The following DCDC1 variants were observed in gnomAD, a reference collection of about 807,000 sequenced individuals.
DCDC1 encodes the protein doublecortin domain containing 1, also known as doublecortin domain-containing protein 1.
A neutral mutation model predicts 178.3 loss-of-function variants in DCDC1; 200 were observed. The observed-to-expected ratio is 1.12, with a 90% CI of 1.00 to 1.26. DCDC1 has a LOEUF of 1.26. Among genes scored for constraint, DCDC1 ranks in the 50% most tolerant of loss-of-function variants. DCDC1 has a pLI of 0.00. For missense variants in DCDC1, 1,983 were observed against 1,749.2 expected (o/e 1.13, Z -2.38); for synonymous variants, 690 against 604.8 (o/e 1.14, Z -2.07).
intron 30 of DCDC1, among the ~76,000 whole-genome samples, chr11:30,905,485 A>G (rs952032442): frequency 7.2e-5 from 11 of 152,280 alleles, no homozygotes; most frequent in Admixed American, 7.2e-4. Flanking sequence ...TTAAAGTAAT[A>G]ATACACTAAC....
chr11:31,322,444 G>A (rs774239836), intron 3 of DCDC1, among the ~76,000 whole-genome samples: 4 of 152,112 alleles, frequency 2.6e-5, no homozygotes, highest in African/African-American at 4.8e-5. Flanking sequence ...CAGCTCCAGT[G>A]AGTAAATCTT....
intron 27 of DCDC1, among the ~76,000 whole-genome samples, chr11:30,911,924 T>C (rs1340751743): frequency 1.3e-5 from 2 of 152,154 alleles, no homozygotes; most frequent in South Asian, 2.1e-4. Context: ...TGAATGCCCC[T>C]CCAAAACTCA....
intron 17 of DCDC1, among the ~76,000 whole-genome samples, chr11:31,078,194 C>T (rs1177999503): frequency 6.6e-6 from 1 of 151,074 alleles, no homozygotes; most frequent in African/African-American, 2.4e-5. Context: ...TTTTAGAGAA[C>T]AAATACAATC....
At chr11:31,144,292 G>A (rs1403890857) in intron 9 of DCDC1, among the ~76,000 whole-genome samples, 3 of 151,820 alleles carry the variant, frequency 2.0e-5, no homozygotes, top group East Asian at 1.9e-4. Flanking sequence ...GTGCCACCAC[G>A]CCTGGCTAAT....
chr11:30,937,228 T>C (rs1947331024), intron 21 of DCDC1, among the ~76,000 whole-genome samples: 3 of 152,076 alleles, frequency 2.0e-5, no homozygotes, highest in African/African-American at 2.4e-5. Context: ...CTCTTACCCC[T>C]GATACTGCTA....
intron 20 of DCDC1, among the ~76,000 whole-genome samples, chr11:30,962,576 A>G (rs552166380): frequency 6.6e-6 from 1 of 152,206 alleles, no homozygotes; most frequent in South Asian, 2.1e-4. Flanking sequence ...CACAATCTAA[A>G]TTTATTTTTC....
Position 31,022,855 on chromosome 11 carries a change from T to A in DCDC1, c.2591+41614A>T, listed in dbSNP as rs182005863. On this transcript the variant is annotated intron_variant, in intron 20 of 38. Coordinates refer to ENST00000684477, the MANE Select transcript of DCDC1 (RefSeq NM_001387274.1). ...GGAAATATGTTTTCTCTAAACTTTA[T>A]TTGGATTGTTACTAGACTCATGGTA... is the stretch of plus-strand genomic sequence containing the variant. Among the ~76,000 whole-genome samples, 945 of 152,212 alleles carry A rather than the reference T, an allele frequency of 6.2e-3. 7 individuals are homozygous for A. Among genetic ancestry groups the A allele is most frequent in the Non-Finnish European group, 8.2e-3 (559 of 68,000 alleles).
chr11:31,216,660 AC>A (rs1973608165), intron 9 of DCDC1, among the ~76,000 whole-genome samples: 1 of 152,180 alleles, frequency 6.6e-6, no homozygotes, highest in African/African-American at 2.4e-5. Context: ...TAGTTCATGC[AC>A]AGAAACCACC....
intron 25 of DCDC1, among the ~76,000 whole-genome samples, chr11:30,917,857 G>A (rs964044650): frequency 1.3e-5 from 2 of 152,202 alleles, no homozygotes; most frequent in African/African-American, 4.8e-5. Context: ...ATAATTTGAT[G>A]TAACTACAAG....
chr11:31,287,220 AAAC>A (rs1946898336), intron 7 of DCDC1, among the ~76,000 whole-genome samples: 1 of 151,450 alleles, frequency 6.6e-6, no homozygotes, highest in African/African-American at 2.4e-5. Flanking sequence ...CTGCAAAACA[AAAC>A]AAAACAAACA....
intron 12 of DCDC1, among the ~76,000 whole-genome samples, chr11:31,107,983 T>G (rs1433555707): frequency 6.6e-6 from 1 of 152,174 alleles, no homozygotes; most frequent in Non-Finnish European, 1.5e-5. Context: ...GCTCCTCTAT[T>G]AATCCCCATT....
At chr11:30,932,482 TATTG>T (rs975452477) in intron 21 of DCDC1, among the ~76,000 whole-genome samples, 22 of 152,232 alleles carry the variant, frequency 1.4e-4, no homozygotes, top group Admixed American at 9.8e-4. Flanking sequence ...TAAAATCATT[TATTG>T]ATTAATTCAT....
At chr11:30,866,984 T>C (rs1398368690) in intron 38 of DCDC1, among the ~76,000 whole-genome samples, 1 of 152,134 alleles carries the variant, frequency 6.6e-6, no homozygotes, top group East Asian at 1.9e-4. Flanking sequence ...ACCCTCACCA[T>C]ACACCAGTGC....
At chr11:31,019,731 C>T (rs879536426) in intron 20 of DCDC1, among the ~76,000 whole-genome samples, 9 of 152,112 alleles carry the variant, frequency 5.9e-5, no homozygotes, top group Non-Finnish European at 1.3e-4. Context: ...TCCACAATAT[C>T]CAGATCTCCA....
At chr11:31,168,374 A>T (rs1966858848) in intron 9 of DCDC1, among the ~76,000 whole-genome samples, 1 of 152,274 alleles carries the variant, frequency 6.6e-6, no homozygotes, top group South Asian at 2.1e-4. Context: ...TTAGCACTCA[A>T]TATAGATGAT....
chr11:31,048,380 A>C (rs780265710), intron 20 of DCDC1, among the ~76,000 whole-genome samples: 10 of 152,168 alleles, frequency 6.6e-5, no homozygotes, highest in Non-Finnish European at 1.3e-4. Flanking sequence ...CCTGATACGA[A>C]ATTCACCAAA....
chr11:30,947,017 G>A (rs917477497), intron 21 of DCDC1, among the ~76,000 whole-genome samples: 1 of 152,164 alleles, frequency 6.6e-6, no homozygotes, highest in Non-Finnish European at 1.5e-5. Context: ...TTTCCAGGAT[G>A]TTACAAGTAA....
intron 9 of DCDC1, among the ~76,000 whole-genome samples, chr11:31,178,329 G>A (rs1000258314): frequency 6.6e-6 from 1 of 152,166 alleles, no homozygotes; most frequent in Non-Finnish European, 1.5e-5. Flanking sequence ...AAGCAAATTG[G>A]ATATTCACAT....
chr11:31,144,834 C>A (rs556538001), intron 9 of DCDC1, among the ~76,000 whole-genome samples: 62 of 152,150 alleles, frequency 4.1e-4, no homozygotes, highest in African/African-American at 1.4e-3. Flanking sequence ...TGTCACATTG[C>A]AAATATTTTC....
Sources: allele counts gnomAD v4.1 joint callset (sites outside exome capture counted in the v4.1 genomes callset), GRCh38; gene constraint gnomAD v4.1.1; transcripts MANE v1.5; gene names NCBI Gene and HGNC (gene_info 2026-07-23, HGNC 2026-07-21).